PARD3B: variants seen among roughly 807,000 people sequenced by gnomAD.
PARD3B encodes the protein par-3 family cell polarity regulator beta, also known as partitioning defective 3 homolog B.
A neutral mutation model predicts 130.2 loss-of-function variants in PARD3B; 103 were observed. That is an observed-to-expected ratio of 0.79 (90% CI 0.67 to 0.93). The LOEUF (loss-of-function observed/expected upper bound fraction) is 0.93. Among genes scored for constraint, PARD3B ranks in the 40% least tolerant of loss-of-function variants. PARD3B has a pLI of 0.00. For missense variants in PARD3B, 1,609 were observed against 1,499.2 expected, an observed-to-expected ratio of 1.07 and a Z score of -1.21; for synonymous variants, 583 against 553.2, an observed-to-expected ratio of 1.05 and a Z score of -0.76.
intron 2 of PARD3B, among the ~76,000 whole-genome samples, chr2:204,897,672 A>T (rs1381016111): frequency 6.6e-6 from 1 of 152,132 alleles, no homozygotes; most frequent in Non-Finnish European, 1.5e-5. Flanking sequence ...CACCACAAAG[A>T]TTCCTTGTTA....
In PARD3B at chr2:205,615,856, C is replaced by T. The variant is rs765798934; in HGVS notation, c.*43C>T. ...CAGCCCGGTCCAGAAAGGAAGGTGT[C>T]TACTCTACCTTTGCCCTTTCTAAAC... On this transcript the variant is annotated 3_prime_UTR_variant, in exon 23 of 23. Transcript: ENST00000406610. The T allele has an allele frequency of 5.3e-6, 8 of 1,499,002 alleles. No homozygotes were observed. Among genetic ancestry groups the T allele is most frequent in the Non-Finnish European group, 7.3e-6 (8 of 1,098,736 alleles). 92.9% of individuals were successfully genotyped at this position (1,499,002 alleles called of 1,614,324 possible).
At chr2:205,115,105 G>A (rs894008112) in intron 6 of PARD3B, among the ~76,000 whole-genome samples, 1 of 152,128 alleles carries the variant, frequency 6.6e-6, no homozygotes, top group Non-Finnish European at 1.5e-5. Flanking sequence ...AAAATATACA[G>A]TGTGACAGTC....
chr2:204,749,094 A>G (rs908393171), intron 2 of PARD3B, among the ~76,000 whole-genome samples: 1 of 151,988 alleles, frequency 6.6e-6, no homozygotes, highest in African/African-American at 2.4e-5. Context: ...TTGTCCCCCT[A>G]ACACCCCCAA....
intron 3 of PARD3B, among the ~76,000 whole-genome samples, chr2:205,036,836 C>T (rs923712267): frequency 6.7e-6 from 1 of 149,186 alleles, no homozygotes; most frequent in African/African-American, 2.5e-5. Context: ...ACTGTATGTA[C>T]AAAAAACATA....
intron 18 of PARD3B, among the ~76,000 whole-genome samples, chr2:205,380,682 A>AACATATATACTATATATAAAGAATAT (rs2045347183): frequency 1.1e-5 from 1 of 93,094 alleles, no homozygotes; most frequent in South Asian, 3.6e-4. Context: ...ATAAAGAATA[A>AACATATATACTATATATAAAGAATAT]ACATATATAC....
At chr2:205,320,785 A>T (rs560138881) in intron 18 of PARD3B, among the ~76,000 whole-genome samples, 3 of 152,368 alleles carry the variant, frequency 2.0e-5, no homozygotes, top group South Asian at 4.1e-4. Context: ...CTGTTGCTTT[A>T]AAAATGTGTC....
At chr2:204,550,126 C>T (rs949642349) in intron 1 of PARD3B, among the ~76,000 whole-genome samples, 7 of 152,248 alleles carry the variant, frequency 4.6e-5, no homozygotes, top group African/African-American at 1.4e-4. Flanking sequence ...GGACTTCCCT[C>T]GGATACCAAA....
chr2:205,380,304 T>A (rs182757391), intron 18 of PARD3B, among the ~76,000 whole-genome samples: 47 of 12,486 alleles, frequency 3.8e-3, no homozygotes, highest in Non-Finnish European at 5.0e-3. Context: ...TATTATATAT[T>A]ATATAAAGAA....
chr2:204,552,663 T>C (rs1294915863), intron 1 of PARD3B, among the ~76,000 whole-genome samples: 1 of 152,184 alleles, frequency 6.6e-6, no homozygotes, highest in Non-Finnish European at 1.5e-5. Flanking sequence ...CCACTTTGAG[T>C]TGATTTTTGT....
At chr2:205,262,128 A>T (rs1192557192) in intron 16 of PARD3B, among the ~76,000 whole-genome samples, 1 of 152,136 alleles carries the variant, frequency 6.6e-6, no homozygotes, top group Non-Finnish European at 1.5e-5. Context: ...GTCATGTAAG[A>T]CTGTTACCAT....
chr2:204,928,692 G>T (rs1687813850), intron 2 of PARD3B, among the ~76,000 whole-genome samples: 1 of 151,596 alleles, frequency 6.6e-6, no homozygotes, highest in Admixed American at 6.6e-5. Flanking sequence ...GAAAAAAACA[G>T]AACTTTACCT....
At chr2:204,791,762 T>C (rs1264675405) in intron 2 of PARD3B, among the ~76,000 whole-genome samples, 1 of 152,220 alleles carries the variant, frequency 6.6e-6, no homozygotes, top group Non-Finnish European at 1.5e-5. Flanking sequence ...GAGCCATTAT[T>C]TCATTAACCT....
At chr2:204,966,356 G>C (rs1250191126) in intron 3 of PARD3B, among the ~76,000 whole-genome samples, 1 of 152,092 alleles carries the variant, frequency 6.6e-6, no homozygotes, top group Non-Finnish European at 1.5e-5. Context: ...TTTTGGAACC[G>C]AGCTAGTGAA....
chr2:205,093,631 C>A (rs563506689), intron 4 of PARD3B, among the ~76,000 whole-genome samples: 46 of 152,218 alleles, frequency 3.0e-4, no homozygotes, highest in Non-Finnish European at 5.7e-4. Context: ...CTGTTCTAAG[C>A]TTTGGGAATA....
rs2031713371 is a variant in PARD3B at position 205,128,826 on chromosome 2, T to C, written c.1434+3089T>C. On this transcript the variant is annotated intron_variant, in intron 10 of 22. Coordinates refer to ENST00000406610, the MANE Select transcript of PARD3B (RefSeq NM_001302769.2). The surrounding 1 kb of genome is among the most constrained non-coding windows in gnomAD (Gnocchi z 4.5). ...ATTGTTTTATTTTTTTATTATTTTATAATGTATTCTGGGATCCAAAATACT... is the reference window on the plus strand; with the variant it reads ...ATTGTTTTATTTTTTTATTATTTTACAATGTATTCTGGGATCCAAAATACT... Among the ~76,000 whole-genome samples, 1 of 152,188 alleles carries C rather than the reference T, an allele frequency of 6.6e-6. No homozygotes were observed. The highest frequency in any genetic ancestry group is 2.4e-5 in the African/African-American group (1 of 41,446).
chr2:205,234,590 G>A (rs761777792), intron 15 of PARD3B, among the ~76,000 whole-genome samples: 1 of 152,098 alleles, frequency 6.6e-6, no homozygotes, highest in Non-Finnish European at 1.5e-5. Flanking sequence ...CAAAGTTATA[G>A]TCAAAGATTT....
chr2:204,780,078 A>G (rs1559139018), intron 2 of PARD3B, among the ~76,000 whole-genome samples: 1 of 152,200 alleles, frequency 6.6e-6, no homozygotes. Context: ...AGACATTTAT[A>G]TTAGTAAAAC....
chr2:204,840,620 A>G (rs2044225275), intron 2 of PARD3B, among the ~76,000 whole-genome samples: 1 of 152,158 alleles, frequency 6.6e-6, no homozygotes, highest in Non-Finnish European at 1.5e-5. Flanking sequence ...CTACAGTAAG[A>G]TAACAAAATT....
chr2:204,647,224 G>A (rs1288992404), intron 1 of PARD3B, among the ~76,000 whole-genome samples: 2 of 151,822 alleles, frequency 1.3e-5, no homozygotes, highest in African/African-American at 4.8e-5. Flanking sequence ...TTCCTTTCTA[G>A]ATGTTTATTG....
Sources: allele counts gnomAD v4.1 joint callset (sites outside exome capture counted in the v4.1 genomes callset), GRCh38; gene constraint gnomAD v4.1.1; non-coding constraint Gnocchi (gnomAD v3.1); transcripts MANE v1.5; gene names NCBI Gene and HGNC (gene_info 2026-07-23, HGNC 2026-07-21).